The following UBE2L3 variants were observed in gnomAD, a reference collection of about 807,000 sequenced individuals.
UBE2L3 encodes the protein ubiquitin-conjugating enzyme E2 L3.
Under a neutral mutation model 17.8 loss-of-function variants are expected in UBE2L3, and 1 was observed. That is an observed-to-expected ratio of 0.06 (90% confidence interval 0.02 to 0.27). The LOEUF (loss-of-function observed/expected upper bound fraction) is 0.27. Ranked by LOEUF, UBE2L3 falls within the 10% of genes least tolerant of loss-of-function variation. The pLI is 1.00. For missense variants in UBE2L3, 40 were observed against 192.6 expected, an observed-to-expected ratio of 0.21 and a Z score of 4.69; for synonymous variants, 44 against 68.5, an observed-to-expected ratio of 0.64 and a Z score of 1.76.
chr22:21,615,700 GC>G (rs1460328219), intron 3 of UBE2L3, among the ~76,000 whole-genome samples: 4 of 152,068 alleles, frequency 2.6e-5, no homozygotes, highest in Non-Finnish European at 5.9e-5. Flanking sequence ...GTTTTTTGTA[GC>G]CCCAAAATCA....
chr22:21,621,069 T>G (rs1033344272), intron 3 of UBE2L3, among the ~76,000 whole-genome samples: 1 of 152,130 alleles, frequency 6.6e-6, no homozygotes, highest in Non-Finnish European at 1.5e-5. Flanking sequence ...GGACTGAGGC[T>G]GGAGGATTGC....
At position 21,611,037 on chromosome 22, in the gene UBE2L3, G is replaced by A; in HGVS notation, c.304G>A (p.Asp102Asn). ...AENWKPATKTDQVIQSLIALV... is the reference protein window; with the variant it reads ...AENWKPATKTNQVIQSLIALV... ...AAACTGGAAGCCAGCAACCAAAACC[G>A]ACCAAGGTAAGACATGTGCCTGTGT... Residue 102 changes from aspartate (D) to asparagine (N), a missense_variant, in exon 3 of 4, where the codon GAC becomes AAC. Transcript: ENST00000342192. 4 of 1,605,788 alleles carry A rather than the reference G, an allele frequency of 2.5e-6. No individual in the cohort carries two copies. The highest frequency in any genetic ancestry group is 2.6e-6 in the Non-Finnish European group (3 of 1,176,056).
At chr22:21,569,393 G>A (rs1305903723) in intron 1 of UBE2L3, among the ~76,000 whole-genome samples, 1 of 75,272 alleles carries the variant, frequency 1.3e-5, no homozygotes, top group Non-Finnish European at 2.4e-5. Context: ...GAGACTCCAT[G>A]TCAAAAAAAA....
Position 21,570,518 on chromosome 22 carries a change from C to T in UBE2L3, c.27+2747C>T, listed in dbSNP as rs559191926. The stretch of plus-strand genomic sequence containing the variant: ...TGGAACGTGGTGGGGAGAGAGAAGA[C>T]GCTGACTCTTCCTGGCTCCAGGATC... On this transcript the variant is annotated intron_variant, in intron 1 of 3. Coordinates refer to ENST00000342192, the MANE Select transcript of UBE2L3 (RefSeq NM_003347.4). 1.4e-3 allele frequency among the ~76,000 whole-genome samples: 210 copies of T among 152,240 alleles called. 1 individual carries two copies. The highest frequency in any genetic ancestry group is 4.9e-3 in the African/African-American group (202 of 41,548).
intron 3 of UBE2L3, chr22:21,614,738 C>A: frequency 1.0e-6 from 1 of 973,916 alleles, no homozygotes; most frequent in Non-Finnish European, 1.4e-6. Context: ...TTAGCTATAT[C>A]TACCCAAGAG....
At chr22:21,593,013 C>A in intron 2 of UBE2L3, 57 bp downstream of exon 2, 1 of 1,505,366 alleles carries the variant, frequency 6.6e-7, no homozygotes, top group Non-Finnish European at 9.2e-7. Flanking sequence ...GATGTGTGTG[C>A]TGTTGGGCTT....
chr22:21,585,600 A>G (rs187579677), intron 1 of UBE2L3, among the ~76,000 whole-genome samples: 1 of 152,268 alleles, frequency 6.6e-6, no homozygotes, highest in Non-Finnish European at 1.5e-5. Flanking sequence ...CTGTTGAGAG[A>G]AAGGAGCATC....
At chr22:21,580,350 A>G (rs897445567) in intron 1 of UBE2L3, among the ~76,000 whole-genome samples, 3 of 152,326 alleles carry the variant, frequency 2.0e-5, no homozygotes, top group Middle Eastern at 3.4e-3. Flanking sequence ...ACAGTGCAGA[A>G]TGGCCTTATA....
At chr22:21,593,922 G>A (rs980736473) in intron 2 of UBE2L3, among the ~76,000 whole-genome samples, 1 of 151,944 alleles carries the variant, frequency 6.6e-6, no homozygotes, top group African/African-American at 2.4e-5. Context: ...TTTGTCTCGG[G>A]ACCCTACTAC....
At chr22:21,601,055 C>T (rs2148431045) in intron 2 of UBE2L3, among the ~76,000 whole-genome samples, 1 of 151,822 alleles carries the variant, frequency 6.6e-6, no homozygotes, top group Middle Eastern at 3.4e-3. Context: ...CCTGTAGTCC[C>T]AGCTACTTGG....
chr22:21,564,335 T>G (rs1057127053), upstream of UBE2L3, among the ~76,000 whole-genome samples: 3 of 152,118 alleles, frequency 2.0e-5, no homozygotes, highest in Non-Finnish European at 4.4e-5. Flanking sequence ...CAAGGTTACT[T>G]CTGATGGGAG....
chr22:21,601,303 CTT>C (rs1328905730), intron 2 of UBE2L3, among the ~76,000 whole-genome samples: 2 of 151,788 alleles, frequency 1.3e-5, no homozygotes, highest in South Asian at 2.1e-4. Context: ...AAACTTAACT[CTT>C]TTGGGTTTTT....
chr22:21,606,315 A>ATGTGTGTGTGTGTGTGGTG lies in UBE2L3; in HGVS notation c.124-4528_124-4510dup, dbSNP rs376785535. ...GTGTGCGCGCGCGCGTGTGTGTGGTATGTGTGTGTGTGTGTGGTGTGTGTG... is the reference window on the plus strand; with the variant it reads ...GTGTGCGCGCGCGCGTGTGTGTGGTATGTGTGTGTGTGTGTGGTGTGTGTGTGTGTGTGTGGTGTGTGTG... On this transcript the variant is annotated intron_variant, in intron 2 of 3. Coordinates refer to ENST00000342192, the MANE Select transcript of UBE2L3 (RefSeq NM_003347.4). Among the ~76,000 whole-genome samples the ATGTGTGTGTGTGTGTGGTG allele has an allele frequency of 1.1e-4, 16 of 150,448 alleles. No homozygotes were observed. The East Asian group carries it at 1.4e-3, about 13-fold the overall frequency.
upstream of UBE2L3, among the ~76,000 whole-genome samples, chr22:21,563,827 AG>A (rs1926539920): frequency 6.6e-6 from 1 of 151,628 alleles, no homozygotes; most frequent in Non-Finnish European, 1.5e-5. Context: ...CGCCTGCCTC[AG>A]CTTCCCAAAG....
intron 2 of UBE2L3, among the ~76,000 whole-genome samples, chr22:21,595,123 A>G (rs2148424813): frequency 6.6e-6 from 1 of 152,318 alleles, no homozygotes; most frequent in East Asian, 1.9e-4. Context: ...GTAGAATCCA[A>G]GTGTGCTTGG....
At chr22:21,621,487 C>T in intron 3 of UBE2L3, 28 bp from the exon 4 acceptor site, 3 of 1,575,608 alleles carry the variant, frequency 1.9e-6, no homozygotes, top group Non-Finnish European at 2.6e-6. Context: ...CTGTGTTAAC[C>T]CCCCATGCCT....
chr22:21,596,578 C>G (rs904807042), intron 2 of UBE2L3, among the ~76,000 whole-genome samples: 2 of 152,046 alleles, frequency 1.3e-5, no homozygotes, highest in African/African-American at 4.8e-5. Context: ...GCTCTGTTGC[C>G]CAGGCTGGGG....
chr22:21,618,894 A>G, intron 3 of UBE2L3, among the ~76,000 whole-genome samples: 1 of 152,176 alleles, frequency 6.6e-6, no homozygotes. Flanking sequence ...CCTCTGCATT[A>G]GTTACCAAGG....
At chr22:21,599,957 T>G (rs560148592) in intron 2 of UBE2L3, among the ~76,000 whole-genome samples, 1 of 152,354 alleles carries the variant, frequency 6.6e-6, no homozygotes, top group East Asian at 1.9e-4. Flanking sequence ...TAATTGTAGA[T>G]ACAATTCAGA....
Sources: gnomAD v4.1 joint callset for allele counts (sites outside exome capture counted in the v4.1 genomes callset) on GRCh38, gnomAD v4.1.1 for gene constraint, MANE v1.5 for transcripts, NCBI Gene and HGNC (gene_info 2026-07-23, HGNC 2026-07-21) for gene names.